Variants in ACSL6 observed in about 807,000 individuals in gnomAD.
ACSL6 encodes long-chain-fatty-acid--CoA ligase 6.
A neutral mutation model predicts 98.2 loss-of-function variants in ACSL6; 47 were observed. The ratio of observed to expected loss-of-function variants is 0.48; its 90% CI spans 0.38 to 0.61. The LOEUF (loss-of-function observed/expected upper bound fraction) is 0.61. ACSL6 is among the 20% of genes least tolerant of loss of function. The probability of loss-of-function intolerance (pLI) is 0.00; values close to 1 mark genes in which losing one functional copy is unlikely to be tolerated. For synonymous variants in ACSL6, 362 were observed against 336.9 expected, an observed-to-expected ratio of 1.07 and a Z score of -0.82; for missense variants, 761 against 913.4, an observed-to-expected ratio of 0.83 and a Z score of 2.15.
intron 1 of ACSL6, among the ~76,000 whole-genome samples, chr5:131,998,915 T>A (rs529007096): frequency 2.0e-5 from 3 of 152,170 alleles, no homozygotes; most frequent in Admixed American, 2.0e-4. Context: ...GATTCTTCCC[T>A]CCCCTTTGAA....
At chr5:131,978,565 G>A (rs963991968) in intron 9 of ACSL6, among the ~76,000 whole-genome samples, 5 of 152,168 alleles carry the variant, frequency 3.3e-5, no homozygotes, top group African/African-American at 1.2e-4. Flanking sequence ...AAAGGAAGGA[G>A]TCTCAGTGAA....
At chr5:132,003,578 TGCCGCTGGCCG>T (rs1254452219) in intron 1 of ACSL6, 2 of 152,274 alleles carry the variant, frequency 1.3e-5, no homozygotes, top group Non-Finnish European at 2.9e-5. Context: ...TTTGTATTCC[TGCCGCTGGCCG>T]GCTCCTGGCC....
chr5:132,005,680 G>C (rs1021406500), intron 1 of ACSL6, among the ~76,000 whole-genome samples: 3 of 152,240 alleles, frequency 2.0e-5, no homozygotes, highest in Non-Finnish European at 4.4e-5. Context: ...ACAGGGGTGC[G>C]TGGGCAGGAG....
chr5:131,963,494 G>A (rs1235010759), intron 17 of ACSL6, among the ~76,000 whole-genome samples: 1 of 152,166 alleles, frequency 6.6e-6, no homozygotes, highest in Admixed American at 6.5e-5. Flanking sequence ...CCCTTGGAAT[G>A]CTTCAAAAAC....
chr5:131,968,727 G>A (rs1257827333), intron 15 of ACSL6, among the ~76,000 whole-genome samples: 1 of 152,160 alleles, frequency 6.6e-6, no homozygotes, highest in Non-Finnish European at 1.5e-5. Context: ...ATAATTCACT[G>A]GCAAGTTGGA....
intron 1 of ACSL6, among the ~76,000 whole-genome samples, chr5:131,996,307 C>G (rs934405267): frequency 1.3e-5 from 2 of 152,214 alleles, no homozygotes; most frequent in Admixed American, 6.5e-5. Context: ...CAGGGAAAAT[C>G]ACTCTGGAGA....
intron 1 of ACSL6, among the ~76,000 whole-genome samples, chr5:132,007,227 G>A (rs941433321): frequency 2.0e-5 from 3 of 152,104 alleles, no homozygotes; most frequent in African/African-American, 7.2e-5. Flanking sequence ...TGACATAACC[G>A]CTGCACAGAA....
chr5:132,012,076 G>C (rs1755766543), upstream of ACSL6: 1 of 1,066,420 alleles, frequency 9.4e-7, no homozygotes. Flanking sequence ...AATGGCAGCC[G>C]GGTCGCGGTT....
rs2149720306 is a variant in ACSL6, at chr5:131,972,731, T to C, written c.1331A>G (p.Lys444Arg). ...DSIWDELFFN[K>R]IQASLGGCVR... is the part of the protein sequence containing the mutation. ...ACTTGTTCATTTTCTTACCTGAATC[T>C]TATTAAAGAAGAGTTCATCCCAGAT... The change falls in exon 13 of 21, where the codon AAG (lysine) becomes AGG (arginine). Residue 444 changes from lysine (K) to arginine (R), a missense_variant. Transcript: ENST00000651883. 6.2e-7 allele frequency: 1 copy of C among 1,614,156 alleles called. No individual in the cohort carries two copies. The highest frequency in any genetic ancestry group is 2.2e-5 in the East Asian group (1 of 44,882).
Position 131,952,201 on chromosome 5 carries a change from T to C in ACSL6, c.*2033A>G, listed in dbSNP as rs1189066761. 1.1e-5 allele frequency: 2 copies of C among 188,108 alleles called. No homozygotes were observed. Among genetic ancestry groups the C allele is most frequent in the African/African-American group, 4.7e-5 (2 of 42,850 alleles). The allele number at this position is 188,108 out of a possible 1,614,324, so 11.7% of individuals were successfully genotyped here. On this transcript the variant is annotated 3_prime_UTR_variant, in exon 21 of 21. Coordinates refer to ENST00000651883, the MANE Select transcript of ACSL6 (RefSeq NM_001009185.3). ...TGCTGTACAGATGTGACTTTGGACA[T>C]TTTAAGTATTAGTTTATTCAGAAAC...
Position 131,988,073 on chromosome 5 carries a change from A to T in ACSL6, c.806T>A (p.Val269Asp), listed in dbSNP as rs746851014. Reference protein sequence around the residue: ...LKERGQKCGVVIKSMQAVEDC... With the variant: ...LKERGQKCGVDIKSMQAVEDC... ...CTCCACGGCCTGCATGGACTTAATGACCACCCCGCACTTCTGCCCTCTCTC... is the reference window on the plus strand; with the variant it reads ...CTCCACGGCCTGCATGGACTTAATGTCCACCCCGCACTTCTGCCCTCTCTC... The change falls in exon 7 of 21, where the codon GTC becomes GAC. Residue 269 changes from valine to aspartate, a missense_variant. Physicochemically the swap from Val to Asp is radical, Grantham distance 152 (BLOSUM62 -3). Coordinates refer to ENST00000651883, the MANE Select transcript of ACSL6 (RefSeq NM_001009185.3). The T allele has an allele frequency of 2.5e-6, 4 of 1,614,060 alleles. No homozygotes were observed. In the Admixed American group the frequency reaches 6.7e-5, roughly 27 times the overall value.
intron 4 of ACSL6, among the ~76,000 whole-genome samples, chr5:131,989,715 T>C (rs1042998264): frequency 7.0e-6 from 1 of 142,266 alleles, no homozygotes; most frequent in Non-Finnish European, 1.5e-5. Context: ...CCTGTCAGCC[T>C]CCCGAGTAGC....
At chr5:132,011,834 C>G, upstream of ACSL6, 1 of 1,496,784 alleles carries the variant, frequency 6.7e-7, no homozygotes. This position sits in a 1 kb window ranked among gnomAD's most constrained non-coding sequence, Gnocchi z 5.4. Flanking sequence ...GGTGTCGGAA[C>G]CGCCAAGCTC....
intron 6 of ACSL6, 104 bp from the exon 7 acceptor site, chr5:131,988,330 G>T: frequency 1.4e-6 from 2 of 1,401,074 alleles, no homozygotes; most frequent in Admixed American, 1.9e-5. Context: ...CATGGTCTGT[G>T]TGCCCATAGC....
rs1439944137 is a variant in ACSL6, at chr5:131,953,160, TATA to T, written c.*1071_*1073del. The stretch of plus-strand genomic sequence containing the variant: ...TCAACAGATGTCTTTTAGAATTCAT[TATA>T]ATAAGAAGTCCATGAACATACACAC... On this transcript the variant is annotated 3_prime_UTR_variant, in exon 21 of 21. Transcript: ENST00000651883. 5.1e-6 allele frequency: 1 copy of T among 195,780 alleles called. No individual in the cohort carries two copies. The highest frequency in any genetic ancestry group is 2.3e-5 in the African/African-American group (1 of 43,264). The allele number at this position is 195,780 out of a possible 1,614,324, so 12.1% of individuals were successfully genotyped here.
chr5:131,956,464 G>A (rs375576992), intron 20 of ACSL6, among the ~76,000 whole-genome samples: 1 of 152,326 alleles, frequency 6.6e-6, no homozygotes, highest in East Asian at 1.9e-4. Context: ...ATGGCAGCCT[G>A]CTCTGGGCTC....
chr5:131,966,955 C>G (rs1429861484), intron 16 of ACSL6, among the ~76,000 whole-genome samples: 2 of 152,222 alleles, frequency 1.3e-5, no homozygotes, highest in East Asian at 3.8e-4. Flanking sequence ...CCAGCTCTAT[C>G]TACTCCATCT....
chr5:131,957,030 G>T (rs534835783), intron 20 of ACSL6, among the ~76,000 whole-genome samples: 1 of 152,070 alleles, frequency 6.6e-6, no homozygotes, highest in African/African-American at 2.4e-5. Flanking sequence ...CCTCAAAATT[G>T]TCCATTTATG....
intron 1 of ACSL6, among the ~76,000 whole-genome samples, chr5:132,010,098 TCTG>T (rs1755628198): frequency 6.6e-6 from 1 of 152,344 alleles, no homozygotes; most frequent in Middle Eastern, 3.4e-3. Flanking sequence ...CCTGCCCTTG[TCTG>T]CTGGATGTGC....
Sources: allele counts gnomAD v4.1 joint callset (sites outside exome capture counted in the v4.1 genomes callset), GRCh38; gene constraint gnomAD v4.1.1; non-coding constraint Gnocchi (gnomAD v3.1); transcripts MANE v1.5; gene names NCBI Gene and HGNC (gene_info 2026-07-23, HGNC 2026-07-21).